WWOX: variants seen among roughly 807,000 people sequenced by gnomAD.
The protein encoded by WWOX is WW domain containing oxidoreductase.
In WWOX, 69 loss-of-function variants were observed where a neutral mutation model predicts 46.2. The ratio of observed to expected loss-of-function variants is 1.49; its 90% CI spans 1.23 to 1.82. The LOEUF is 1.82. Ranked by LOEUF, WWOX falls within the 40% of genes most tolerant of loss-of-function variation. The probability of loss-of-function intolerance (pLI) is 0.00; values close to 1 mark genes in which losing one functional copy is unlikely to be tolerated. For missense variants in WWOX, 919 were observed against 542.6 expected, an observed-to-expected ratio of 1.69 and a Z score of -6.89; for synonymous variants, 359 against 202.6, an observed-to-expected ratio of 1.77 and a Z score of -6.56.
intron 5 of WWOX, among the ~76,000 whole-genome samples, chr16:78,242,514 G>C (rs1454179732): frequency 6.6e-6 from 1 of 152,156 alleles, no homozygotes; most frequent in Non-Finnish European, 1.5e-5. Context: ...TTCGTGGTCT[G>C]ACCAAATGTA....
intron 8 of WWOX, among the ~76,000 whole-genome samples, chr16:79,020,419 C>T (rs1038104112): frequency 1.3e-5 from 2 of 152,142 alleles, no homozygotes; most frequent in Non-Finnish European, 1.5e-5. Flanking sequence ...GATAACTTAA[C>T]CTCTTTGTGG....
At chr16:79,098,094 G>A (rs930847675) in intron 8 of WWOX, among the ~76,000 whole-genome samples, 9 of 152,126 alleles carry the variant, frequency 5.9e-5, no homozygotes, top group African/African-American at 1.7e-4. Context: ...TTTTTGAGCT[G>A]GAAGAAACTT....
At chr16:78,996,107 C>G (rs2046982333) in intron 8 of WWOX, 1 of 694,440 alleles carries the variant, frequency 1.4e-6, no homozygotes, top group Admixed American at 6.3e-5. Flanking sequence ...GAACGTGGCC[C>G]CTTCCATGAA....
chr16:79,063,511 A>T (rs1463904959), intron 8 of WWOX, among the ~76,000 whole-genome samples: 1 of 152,228 alleles, frequency 6.6e-6, no homozygotes, highest in African/African-American at 2.4e-5. Context: ...ACAAAACCAA[A>T]CAAAAGCCTG....
intron 5 of WWOX, 109 bp from the exon 6 acceptor site, chr16:78,386,747 CTTAT>C: frequency 1.1e-6 from 1 of 921,386 alleles, no homozygotes; most frequent in South Asian, 1.4e-5. Context: ...CTCTGGGCGT[CTTAT>C]ATTAAACAGG....
chr16:78,276,402 C>T (rs917789332), intron 5 of WWOX, among the ~76,000 whole-genome samples: 4 of 152,150 alleles, frequency 2.6e-5, no homozygotes, highest in African/African-American at 9.7e-5. Flanking sequence ...ATAACCCAAG[C>T]GACACATACA....
chr16:78,996,368 C>CT (rs2046987516), intron 8 of WWOX: 1 of 830,514 alleles, frequency 1.2e-6, no homozygotes, highest in Non-Finnish European at 1.4e-6. Context: ...TGAGTGAATT[C>CT]TGCACCCACC....
At chr16:78,372,782 A>T (rs2081723390) in intron 5 of WWOX, among the ~76,000 whole-genome samples, 1 of 152,196 alleles carries the variant, frequency 6.6e-6, no homozygotes. Flanking sequence ...TTAATTCATG[A>T]GTAGTGGCCA....
At chr16:79,021,035 CAA>C (rs1377001145) in intron 8 of WWOX, among the ~76,000 whole-genome samples, 1 of 152,100 alleles carries the variant, frequency 6.6e-6, no homozygotes, top group African/African-American at 2.4e-5. Flanking sequence ...ACACAAGCTT[CAA>C]AAAGTTTTCA....
intron 8 of WWOX, among the ~76,000 whole-genome samples, chr16:79,091,191 T>G (rs867729408): frequency 3.9e-5 from 6 of 152,170 alleles, no homozygotes; most frequent in Admixed American, 1.3e-4. Context: ...CCCCCAGACT[T>G]TTTCCTCTTC....
intron 8 of WWOX, among the ~76,000 whole-genome samples, chr16:79,066,075 T>G (rs2048435574): frequency 6.6e-6 from 1 of 152,158 alleles, no homozygotes; most frequent in South Asian, 2.1e-4. Context: ...GCCTCCAGCT[T>G]CTCCTTCACA....
intron 5 of WWOX, among the ~76,000 whole-genome samples, chr16:78,321,817 A>G (rs958393868): frequency 1.3e-5 from 2 of 152,160 alleles, no homozygotes; most frequent in African/African-American, 4.8e-5. Flanking sequence ...GCACAGCTCT[A>G]AAGAGCGACG....
At chr16:78,637,421 A>G (rs1185093444) in intron 8 of WWOX, among the ~76,000 whole-genome samples, 4 of 150,986 alleles carry the variant, frequency 2.6e-5, no homozygotes, top group Admixed American at 6.6e-5. Context: ...AGCCTGGGCA[A>G]CAAGAGTGAA....
At chr16:78,363,162 G>C (rs920457347) in intron 5 of WWOX, among the ~76,000 whole-genome samples, 1 of 152,098 alleles carries the variant, frequency 6.6e-6, no homozygotes, top group African/African-American at 2.4e-5. Flanking sequence ...GTGTGTGTGT[G>C]TATGTGTCTG....
intron 8 of WWOX, among the ~76,000 whole-genome samples, chr16:78,593,652 A>G (rs2045404104): frequency 6.6e-6 from 1 of 152,068 alleles, no homozygotes; most frequent in Non-Finnish European, 1.5e-5. Context: ...TTCACCACAC[A>G]CAGCTAAGCT....
intron 5 of WWOX, among the ~76,000 whole-genome samples, chr16:78,349,311 C>T (rs1383592748): frequency 8.3e-6 from 1 of 120,906 alleles, no homozygotes; most frequent in Non-Finnish European, 2.0e-5. Context: ...TAGGCCGTAC[C>T]TCCAAATACA....
chr16:78,196,100 A>G (rs2036042779), intron 5 of WWOX, among the ~76,000 whole-genome samples: 1 of 152,208 alleles, frequency 6.6e-6, no homozygotes, highest in South Asian at 2.1e-4. Context: ...TTTTCTGCAG[A>G]TGATCAAGTG....
At chr16:78,645,989 C>T (rs556296612) in intron 8 of WWOX, among the ~76,000 whole-genome samples, 67 of 152,200 alleles carry the variant, frequency 4.4e-4, no homozygotes, top group African/African-American at 1.5e-3. Flanking sequence ...CCTTCTCTCC[C>T]CCTCCTCTCC....
intron 8 of WWOX, among the ~76,000 whole-genome samples, chr16:79,108,680 T>C (rs2049357134): frequency 6.6e-6 from 1 of 152,142 alleles, no homozygotes; most frequent in Admixed American, 6.5e-5. Context: ...GGCAGGAGGA[T>C]TGCTTGAGCC....
Sources: gnomAD v4.1 joint callset for allele counts (sites outside exome capture counted in the v4.1 genomes callset) on GRCh38, gnomAD v4.1.1 for gene constraint, MANE v1.5 for transcripts, NCBI Gene and HGNC (gene_info 2026-07-23, HGNC 2026-07-21) for gene names.